Variants in PLEKHA7 observed in about 807,000 individuals in gnomAD.
The protein encoded by PLEKHA7 is pleckstrin homology domain-containing family A member 7.
In PLEKHA7, 104 loss-of-function variants were observed where a neutral mutation model predicts 170.0. The ratio of observed to expected loss-of-function variants is 0.61; its 90% CI spans 0.52 to 0.72. PLEKHA7 has a LOEUF of 0.72. Ranked by LOEUF, PLEKHA7 falls within the 30% of genes least tolerant of loss-of-function variation. PLEKHA7 has a pLI of 0.00. For missense variants in PLEKHA7, 1,615 were observed against 1,671.7 expected (o/e 0.97, Z 0.59); for synonymous variants, 648 against 660.8 (o/e 0.98, Z 0.30).
intron 3 of PLEKHA7, among the ~76,000 whole-genome samples, chr11:16,982,465 GA>G (rs1459249395): frequency 1.3e-5 from 2 of 152,242 alleles, no homozygotes; most frequent in African/African-American, 4.8e-5. Flanking sequence ...TGTCCAGGGT[GA>G]CTAGCACATT....
intron 3 of PLEKHA7, among the ~76,000 whole-genome samples, chr11:16,879,419 T>C (rs2135771166): frequency 6.6e-6 from 1 of 152,234 alleles, no homozygotes; most frequent in Middle Eastern, 3.4e-3. Flanking sequence ...AGCAGCACCA[T>C]GCATCACAGA....
At chr11:16,874,162 G>C (rs1016790863) in intron 3 of PLEKHA7, among the ~76,000 whole-genome samples, 10 of 152,204 alleles carry the variant, frequency 6.6e-5, no homozygotes, top group Non-Finnish European at 1.0e-4. Context: ...AGCTCAGAGA[G>C]GTGAATGGGG....
intron 3 of PLEKHA7, among the ~76,000 whole-genome samples, chr11:16,942,142 A>C (rs946975008): frequency 1.3e-5 from 2 of 152,238 alleles, no homozygotes; most frequent in African/African-American, 4.8e-5. Context: ...CAGAGCACTC[A>C]AGTGGTGTTC....
Position 17,009,043 on chromosome 11 carries a change from A to G in PLEKHA7, c.221+4946T>C, listed in dbSNP as rs527881404. ...CTTCCAAAGTACCTCAATCCCCAGAAAAAGCAAAGATGGAGTCTGGCCCCA... is the reference window on the plus strand; with the variant it reads ...CTTCCAAAGTACCTCAATCCCCAGAGAAAGCAAAGATGGAGTCTGGCCCCA... On this transcript the variant is annotated intron_variant, in intron 3 of 26. Coordinates refer to ENST00000531066, the MANE Select transcript of PLEKHA7 (RefSeq NM_001329630.2). 2.6e-5 allele frequency among the ~76,000 whole-genome samples: 4 copies of G among 152,306 alleles called. No individual in the cohort carries two copies. The South Asian group carries it at 8.3e-4, about 32-fold the overall frequency.
Position 17,013,990 on chromosome 11 carries a change from C to T in PLEKHA7, c.220G>A (p.Asp74Asn), listed in dbSNP as rs754850561. Residue 74 changes from aspartate to asparagine, a missense_variant and splice_region_variant, in exon 3 of 27, where the codon GAC becomes AAC. By Grantham distance (23) the Asp-to-Asn change is conservative (BLOSUM62 1). Transcript: ENST00000531066. ...FTEEGASYFI[D>N]HNQQTTAFRH... is the part of the protein sequence containing the mutation. Reference sequence around the variant, plus strand: ...AGCGCGGCGGCCCCACTCACTCACTCGATGAAGTAGCTGGCGCCCTCCTCC... The same window carrying T: ...AGCGCGGCGGCCCCACTCACTCACTTGATGAAGTAGCTGGCGCCCTCCTCC... 1.9e-6 allele frequency: 3 copies of T among 1,543,358 alleles called. No homozygotes were observed. Among genetic ancestry groups the T allele is most frequent in the Admixed American group, 3.9e-5 (2 of 50,716 alleles).
intron 3 of PLEKHA7, among the ~76,000 whole-genome samples, chr11:16,921,404 G>T (rs1859080114): frequency 6.6e-6 from 1 of 152,182 alleles, no homozygotes; most frequent in Non-Finnish European, 1.5e-5. Flanking sequence ...GTGTCCATCA[G>T]CCCCACAGAC....
chr11:16,890,934 C>T (rs1019523854), intron 3 of PLEKHA7, among the ~76,000 whole-genome samples: 15 of 151,792 alleles, frequency 9.9e-5, no homozygotes, highest in African/African-American at 3.6e-4. Flanking sequence ...CAGGATCTTG[C>T]TCTGTCACCC....
chr11:16,935,234 A>T (rs890486647), intron 3 of PLEKHA7, among the ~76,000 whole-genome samples: 1 of 152,256 alleles, frequency 6.6e-6, no homozygotes, highest in African/African-American at 2.4e-5. Context: ...CAGAAGTTCA[A>T]GCCCAGCCTA....
At chr11:16,876,162 G>A (rs913724328) in intron 3 of PLEKHA7, among the ~76,000 whole-genome samples, 2 of 152,196 alleles carry the variant, frequency 1.3e-5, no homozygotes, top group African/African-American at 4.8e-5. Flanking sequence ...TAACACCCAT[G>A]AAGAGTCTCA....
chr11:17,000,697 C>T (rs1864614156), intron 3 of PLEKHA7, among the ~76,000 whole-genome samples: 1 of 152,138 alleles, frequency 6.6e-6, no homozygotes, highest in African/African-American at 2.4e-5. Context: ...TTGCCAGATA[C>T]CATTCTAAGT....
In PLEKHA7 at chr11:17,014,405, C is replaced by A. The variant is rs1382086320; in HGVS notation, c.-4G>T. ...GCCCGACCGTCGCCGCCGCCATGTT[C>A]GCCGAGCGCGGAGCCGCCGCGGGGT... On this transcript the variant is annotated 5_prime_UTR_variant, in exon 1 of 27. Coordinates refer to ENST00000531066, the MANE Select transcript of PLEKHA7 (RefSeq NM_001329630.2). 7 of 1,329,424 alleles carry A rather than the reference C, an allele frequency of 5.3e-6. No homozygotes were observed. The Admixed American group carries it at 1.2e-4, about 23-fold the overall frequency. 82.4% of individuals were successfully genotyped at this position (1,329,424 alleles called of 1,614,324 possible).
chr11:16,789,623 G>A lies in PLEKHA7; in HGVS notation c.3156+152C>T, dbSNP rs1847692682. 1 of 674,206 alleles carries A rather than the reference G, an allele frequency of 1.5e-6. No homozygotes were observed. The highest frequency in any genetic ancestry group is 2.5e-6 in the Non-Finnish European group (1 of 400,742). 41.8% of individuals were successfully genotyped at this position (674,206 alleles called of 1,614,324 possible). A position where few individuals can be genotyped will look rare whatever the true frequency, so the allele number is the denominator to read the frequency against. On this transcript the variant is annotated intron_variant, in intron 22 of 26. Transcript: ENST00000531066. This position sits in a 1 kb window ranked among gnomAD's most constrained non-coding sequence, Gnocchi z 4.6. ...AGAAAGGCAGGATGCCCTCCTTGGTGGACAGTGGGTGACAGGGAGCTCAGG... is the reference window on the plus strand; with the variant it reads ...AGAAAGGCAGGATGCCCTCCTTGGTAGACAGTGGGTGACAGGGAGCTCAGG...
At chr11:16,894,728 C>A (rs1387749419) in intron 3 of PLEKHA7, among the ~76,000 whole-genome samples, 1 of 152,132 alleles carries the variant, frequency 6.6e-6, no homozygotes, top group Non-Finnish European at 1.5e-5. Context: ...ATAACCCTAA[C>A]AGAGAGCCCG....
At chr11:16,848,153 A>C (rs1852616444) in intron 8 of PLEKHA7, among the ~76,000 whole-genome samples, 1 of 152,252 alleles carries the variant, frequency 6.6e-6, no homozygotes, top group African/African-American at 2.4e-5. Context: ...CAAAATTGAA[A>C]GGAGAGAGAA....
At chr11:16,949,194 C>T (rs968164239) in intron 3 of PLEKHA7, among the ~76,000 whole-genome samples, 2 of 152,124 alleles carry the variant, frequency 1.3e-5, no homozygotes, top group African/African-American at 4.8e-5. Flanking sequence ...CCCCATCTGC[C>T]TCCTTTGTGC....
intron 3 of PLEKHA7, among the ~76,000 whole-genome samples, chr11:16,925,872 T>A (rs1190423455): frequency 6.6e-6 from 1 of 152,138 alleles, no homozygotes; most frequent in East Asian, 1.9e-4. Context: ...ATTCCTTTCC[T>A]CGTAGAGGAT....
intron 9 of PLEKHA7, among the ~76,000 whole-genome samples, chr11:16,834,796 A>T (rs377278247): frequency 5.3e-4 from 81 of 152,232 alleles, no homozygotes; most frequent in Non-Finnish European, 9.4e-4. Flanking sequence ...AGTCCACAGC[A>T]TGGCCAGTAG....
intron 23 of PLEKHA7, chr11:16,786,624 C>G (rs1304995150): frequency 2.0e-6 from 2 of 985,268 alleles, no homozygotes; most frequent in East Asian, 2.3e-4. Flanking sequence ...GGGCACAGGT[C>G]TAAGACTCAT....
intron 3 of PLEKHA7, among the ~76,000 whole-genome samples, chr11:16,942,300 C>T (rs1860749580): frequency 6.6e-6 from 1 of 152,212 alleles, no homozygotes; most frequent in African/African-American, 2.4e-5. Context: ...GCCCTGAAGG[C>T]CATGTCAACA....
Sources: allele counts gnomAD v4.1 joint callset (sites outside exome capture counted in the v4.1 genomes callset), GRCh38; gene constraint gnomAD v4.1.1; non-coding constraint Gnocchi (gnomAD v3.1); transcripts MANE v1.5; gene names NCBI Gene and HGNC (gene_info 2026-07-23, HGNC 2026-07-21).